The following SYT17 variants were observed in gnomAD, a reference collection of about 807,000 sequenced individuals.
SYT17 encodes the protein synaptotagmin-17.
A neutral mutation model predicts 46.7 loss-of-function variants in SYT17; 22 were observed. That is an observed-to-expected ratio of 0.47 (90% confidence interval 0.34 to 0.67). The LOEUF (loss-of-function observed/expected upper bound fraction) is 0.67. Among genes scored for constraint, SYT17 ranks in the 30% least tolerant of loss-of-function variants. The probability of loss-of-function intolerance (pLI) is 0.01; values close to 1 mark genes in which losing one functional copy is unlikely to be tolerated. For missense variants in SYT17, 519 were observed against 612.8 expected (o/e 0.85, Z 1.62); for synonymous variants, 251 against 248.4 (o/e 1.01, Z -0.10).
rs557284912 is a variant in SYT17 at position 19,243,015 on chromosome 16, G to T, written c.1228+18177G>T. 6.6e-5 allele frequency among the ~76,000 whole-genome samples: 10 copies of T among 152,268 alleles called. No homozygotes were observed. The South Asian group carries it at 1.2e-3, about 19-fold the overall frequency. On this transcript the variant is annotated intron_variant, in intron 7 of 7. Transcript: ENST00000355377. ...ATTTTCTCTCTCTTCCTATTTGTGA[G>T]TCGACATGAAAACTGCTTCTCTGGG...
chr16:19,208,768 T>G (rs1290970336), intron 5 of SYT17, among the ~76,000 whole-genome samples: 1 of 152,060 alleles, frequency 6.6e-6, no homozygotes, highest in East Asian at 1.9e-4. Flanking sequence ...TCACGTGGTA[T>G]TCTCCCTGTG....
chr16:19,245,023 C>T lies in SYT17; in HGVS notation c.1228+20185C>T, dbSNP rs62025398. ...AAATAGAAGAGCCAGTCCATGCCTTCAACATGCTTGCTCCACGACCTCCCT... is the reference window on the plus strand; with the variant it reads ...AAATAGAAGAGCCAGTCCATGCCTTTAACATGCTTGCTCCACGACCTCCCT... On this transcript the variant is annotated intron_variant, in intron 7 of 7. Transcript: ENST00000355377. Among the ~76,000 whole-genome samples, 4 of 152,270 alleles carry T rather than the reference C, an allele frequency of 2.6e-5. No individual in the cohort carries two copies. The East Asian group carries it at 7.7e-4, about 29-fold the overall frequency.
chr16:19,245,808 G>T (rs139189469), intron 7 of SYT17, among the ~76,000 whole-genome samples: 1 of 152,308 alleles, frequency 6.6e-6, no homozygotes, highest in Non-Finnish European at 1.5e-5. Context: ...GCCCTCTTGG[G>T]AAGATGAGCA....
chr16:19,198,725 A>G lies in SYT17; in HGVS notation c.951+14578A>G, dbSNP rs1026093030. 2.6e-5 allele frequency among the ~76,000 whole-genome samples: 4 copies of G among 152,372 alleles called. No homozygotes were observed. The East Asian group carries it at 5.8e-4, about 22-fold the overall frequency. Reference sequence around the variant, plus strand: ...GAAAATGGCAAGAATAACAACCCCAACATCAAGGGTCATAGTTAGGCTGTC... The same window carrying G: ...GAAAATGGCAAGAATAACAACCCCAGCATCAAGGGTCATAGTTAGGCTGTC... On this transcript the variant is annotated intron_variant, in intron 5 of 7. Transcript: ENST00000355377.
Position 19,183,997 on chromosome 16 carries a change from G to T in SYT17, c.801G>T (p.Leu267=), listed in dbSNP as rs1419031300. 1 of 1,614,024 alleles carries T rather than the reference G, an allele frequency of 6.2e-7. No homozygotes were observed. Among genetic ancestry groups the T allele is most frequent in the East Asian group, 2.2e-5 (1 of 44,878 alleles). ...GCTACACCTTCGAGATCCCCTTCCT[G>T]GAGGCCCAGAGGAGGACCCTGCTCC... ...EERYTFEIPF[L]EAQRRTLLLT... is the part of the protein sequence containing the mutation. The change falls in exon 5 of 8, where the codon CTG becomes CTT. Residue 267 remains leucine, a synonymous_variant. Transcript: ENST00000355377. This position sits in a 1 kb window ranked among gnomAD's most constrained non-coding sequence, Gnocchi z 5.6.
intron 5 of SYT17, among the ~76,000 whole-genome samples, chr16:19,212,027 G>A (rs188611616): frequency 4.6e-5 from 7 of 152,252 alleles, no homozygotes; most frequent in East Asian, 1.9e-4. Flanking sequence ...AAATCATTTC[G>A]ATCCCGTAGA....
At chr16:19,224,415 A>G (rs975667442) in intron 6 of SYT17, among the ~76,000 whole-genome samples, 4 of 152,178 alleles carry the variant, frequency 2.6e-5, no homozygotes, top group African/African-American at 4.8e-5. Flanking sequence ...TGTCAAATAG[A>G]TGAGAAATTG....
At chr16:19,254,970 T>G (rs1968456198) in intron 7 of SYT17, among the ~76,000 whole-genome samples, 1 of 152,214 alleles carries the variant, frequency 6.6e-6, no homozygotes, top group Non-Finnish European at 1.5e-5. Context: ...AATTTCAACC[T>G]TGACTTTCAT....
intron 5 of SYT17, among the ~76,000 whole-genome samples, chr16:19,218,370 A>C (rs1220997951): frequency 1.3e-5 from 2 of 152,236 alleles, no homozygotes; most frequent in Non-Finnish European, 2.9e-5. Context: ...CAGATAAGGC[A>C]GACAGAAACA....
chr16:19,194,464 G>A (rs1024595695), intron 5 of SYT17, among the ~76,000 whole-genome samples: 17 of 152,196 alleles, frequency 1.1e-4, no homozygotes, highest in African/African-American at 1.7e-4. Context: ...CCAGGGCAGC[G>A]TGTTCTGGGG....
intron 7 of SYT17, among the ~76,000 whole-genome samples, chr16:19,232,550 G>T (rs919158224): frequency 6.6e-6 from 1 of 152,080 alleles, no homozygotes; most frequent in Non-Finnish European, 1.5e-5. Flanking sequence ...TAAACCCTTG[G>T]CCCGGTGCGG....
chr16:19,184,447 G>A (rs1172181776), intron 5 of SYT17, among the ~76,000 whole-genome samples: 7 of 151,142 alleles, frequency 4.6e-5, no homozygotes, highest in Admixed American at 3.3e-4. Context: ...GCGCCGTGGC[G>A]TGATCTTGGC....
rs1164922210 is a variant in SYT17 at position 19,184,054 on chromosome 16, C to G, written c.858C>G (p.Arg286=). The stretch of plus-strand genomic sequence containing the variant: ...TGGTGGATTTTGATAAGTTCTCCCG[C>G]CACTGTGTCATTGGGAAAGTTTCTG... The part of the protein sequence containing the change: ...LTVVDFDKFS[R]HCVIGKVSVP... The change falls in exon 5 of 8, where the codon CGC becomes CGG. Residue 286 remains arginine, a synonymous_variant. Transcript: ENST00000355377. The G allele has an allele frequency of 6.2e-7, 1 of 1,614,160 alleles. No homozygotes were observed. The highest frequency in any genetic ancestry group is 1.7e-5 in the Admixed American group (1 of 60,020).
rs7205977 is a variant in SYT17 at position 19,241,818 on chromosome 16, C to G, written c.1228+16980C>G. ...TGGGAGTGGGTCCCATCCAGTCATA[C>G]AAGGGTGGGGACAGCACAGTTGGCT... On this transcript the variant is annotated intron_variant, in intron 7 of 7. Transcript: ENST00000355377. Among the ~76,000 whole-genome samples, 201 of 152,266 alleles carry G rather than the reference C, an allele frequency of 1.3e-3. 1 individual carries two copies. The highest frequency in any genetic ancestry group is 4.7e-3 in the African/African-American group (196 of 41,576).
intron 2 of SYT17, 61 bp downstream of exon 2, chr16:19,172,838 T>C: frequency 3.7e-6 from 6 of 1,600,250 alleles, no homozygotes; most frequent in Non-Finnish European, 5.1e-6. Flanking sequence ...TGACTTTCAT[T>C]TTGGAGTCTT....
At chr16:19,235,547 C>T (rs535570460) in intron 7 of SYT17, among the ~76,000 whole-genome samples, 160 of 152,254 alleles carry the variant, frequency 1.1e-3, no homozygotes, top group African/African-American at 3.5e-3. Context: ...ACTTGATTTA[C>T]GAAGAATTAG....
intron 7 of SYT17, among the ~76,000 whole-genome samples, chr16:19,262,006 G>T (rs74930371): frequency 0.017 from 2,635 of 152,262 alleles, 67 homozygotes; most frequent in African/African-American, 0.058. Flanking sequence ...GACAGGAAAA[G>T]GAGGAAAACA....
At chr16:19,188,157 A>C (rs1964858456) in intron 5 of SYT17, among the ~76,000 whole-genome samples, 1 of 152,216 alleles carries the variant, frequency 6.6e-6, no homozygotes, top group Non-Finnish European at 1.5e-5. Context: ...TGCAGTCATG[A>C]AAAAGAACAA....
chr16:19,173,715 A>G, intron 3 of SYT17, 137 bp downstream of exon 3: 1 of 983,506 alleles, frequency 1.0e-6, no homozygotes, highest in Non-Finnish European at 1.5e-6. Context: ...GTTTCCAGGG[A>G]CAACTTTGCT....
Sources: gnomAD v4.1 joint callset for allele counts (sites outside exome capture counted in the v4.1 genomes callset) on GRCh38, gnomAD v4.1.1 for gene constraint, Gnocchi (gnomAD v3.1) non-coding constraint, MANE v1.5 for transcripts, NCBI Gene and HGNC (gene_info 2026-07-23, HGNC 2026-07-21) for gene names.